The following ANO10 variants were observed in gnomAD, a reference collection of about 807,000 sequenced individuals.
The protein encoded by ANO10 is anoctamin-10.
A neutral mutation model predicts 74.7 loss-of-function variants in ANO10; 77 were observed. The ratio of observed to expected loss-of-function variants is 1.03; its 90% confidence interval spans 0.86 to 1.25. ANO10 has a LOEUF of 1.25. Among genes scored for constraint, ANO10 ranks in the 50% most tolerant of loss-of-function variants. The pLI is 0.00. For synonymous variants in ANO10, 279 were observed against 284.9 expected (o/e 0.98, Z 0.21); for missense variants, 721 against 778.1 (o/e 0.93, Z 0.87).
chr3:43,598,656 A>T lies in ANO10; in HGVS notation c.348T>A (p.Asp116Glu). The T allele has an allele frequency of 6.2e-7, 1 of 1,604,152 alleles. No individual in the cohort carries two copies. Residue 116 changes from aspartate (D) to glutamate (E), a missense_variant, in exon 4 of 13, where the codon GAT becomes GAA. Asp to Glu is a conservative substitution (Grantham distance 45). Coordinates refer to ENST00000292246, the MANE Select transcript of ANO10 (RefSeq NM_018075.5). ...QNFKGFDDNN[D>E]DFLTMAECQF... ...GACATTCTGCCATTGTCAGGAAATCATCATTGTTATCTAAAATAAAACAGA... is the reference window on the plus strand; with the variant it reads ...GACATTCTGCCATTGTCAGGAAATCTTCATTGTTATCTAAAATAAAACAGA...
At chr3:43,580,255 C>T in intron 5 of ANO10, 98 bp downstream of exon 5, 1 of 1,508,598 alleles carries the variant, frequency 6.6e-7, no homozygotes, top group South Asian at 1.1e-5. Flanking sequence ...CCCAGTAGAG[C>T]ACTAAATATC....
intron 11 of ANO10, among the ~76,000 whole-genome samples, chr3:43,517,402 C>T (rs2077754663): frequency 6.6e-6 from 1 of 152,072 alleles, no homozygotes; most frequent in East Asian, 1.9e-4. Context: ...CCCCCTTGCC[C>T]TCAACAAATT....
intron 1 of ANO10, among the ~76,000 whole-genome samples, chr3:43,611,952 C>T (rs1053975426): frequency 1.3e-5 from 2 of 151,502 alleles, no homozygotes; most frequent in African/African-American, 4.8e-5. Flanking sequence ...GCACAAAAAA[C>T]AAAACACTTC....
At chr3:43,635,240 G>A (rs1051302747) in intron 1 of ANO10, among the ~76,000 whole-genome samples, 13 of 152,258 alleles carry the variant, frequency 8.5e-5, no homozygotes, top group South Asian at 8.3e-4. Context: ...ACTCATAGCC[G>A]GAATCCATCT....
chr3:43,454,384 A>G (rs375120686), intron 11 of ANO10, among the ~76,000 whole-genome samples: 9 of 152,198 alleles, frequency 5.9e-5, no homozygotes, highest in African/African-American at 2.2e-4. Flanking sequence ...AGTGATGTGT[A>G]AGGTTATTAA....
chr3:43,536,159 T>G (rs1325577174), intron 11 of ANO10, among the ~76,000 whole-genome samples: 1 of 152,252 alleles, frequency 6.6e-6, no homozygotes, highest in East Asian at 1.9e-4. Flanking sequence ...AAAGTAAATG[T>G]AACATTCCAA....
At chr3:43,424,778 A>C (rs944565065) in intron 12 of ANO10, 6 of 152,226 alleles carry the variant, frequency 3.9e-5, no homozygotes, top group Non-Finnish European at 5.9e-5. Context: ...GCTCTGCATG[A>C]ATTAAACTAG....
intron 1 of ANO10, among the ~76,000 whole-genome samples, chr3:43,661,624 A>G (rs2083927525): frequency 6.6e-6 from 1 of 152,206 alleles, no homozygotes; most frequent in Non-Finnish European, 1.5e-5. Flanking sequence ...TTGGATAAAG[A>G]GTCAAGACCC....
chr3:43,657,320 A>G (rs1290043535), intron 1 of ANO10, among the ~76,000 whole-genome samples: 1 of 152,226 alleles, frequency 6.6e-6, no homozygotes, highest in Admixed American at 6.5e-5. Context: ...CCCAAATTCT[A>G]TGTATAAAGC....
At chr3:43,537,587 C>T (rs1331263828) in intron 11 of ANO10, among the ~76,000 whole-genome samples, 4 of 150,224 alleles carry the variant, frequency 2.7e-5, no homozygotes, top group African/African-American at 9.9e-5. Flanking sequence ...TGATCTCAGG[C>T]TCAGAGCAGG....
intron 12 of ANO10, among the ~76,000 whole-genome samples, chr3:43,400,358 C>A (rs1279585519): frequency 6.6e-6 from 1 of 151,780 alleles, no homozygotes; most frequent in Non-Finnish European, 1.5e-5. Flanking sequence ...ATCAGCAGGC[C>A]ATCCAGCAAT....
chr3:43,400,027 C>T (rs570160139), intron 12 of ANO10, among the ~76,000 whole-genome samples: 2 of 152,262 alleles, frequency 1.3e-5, no homozygotes, highest in South Asian at 2.1e-4. Flanking sequence ...CTGGCTGTAT[C>T]TAAAGAGGGT....
intron 11 of ANO10, among the ~76,000 whole-genome samples, chr3:43,514,507 C>T (rs2077632265): frequency 6.6e-6 from 1 of 152,076 alleles, no homozygotes; most frequent in Non-Finnish European, 1.5e-5. Flanking sequence ...CAGGGAGAAA[C>T]AGACAAAGCC....
At chr3:43,649,527 GGGA>G (rs2083763851) in intron 1 of ANO10, among the ~76,000 whole-genome samples, 1 of 152,126 alleles carries the variant, frequency 6.6e-6, no homozygotes, top group South Asian at 2.1e-4. Flanking sequence ...ATTTATATGG[GGGA>G]GAATTATCTA....
intron 12 of ANO10, among the ~76,000 whole-genome samples, chr3:43,432,262 T>C (rs1309124623): frequency 6.6e-6 from 1 of 152,172 alleles, no homozygotes; most frequent in African/African-American, 2.4e-5. Context: ...ATTTTATTCA[T>C]TCACTTCTCC....
At chr3:43,478,557 C>T (rs1456794750) in intron 11 of ANO10, among the ~76,000 whole-genome samples, 1 of 152,168 alleles carries the variant, frequency 6.6e-6, no homozygotes, top group Non-Finnish European at 1.5e-5. Flanking sequence ...AACATCATCA[C>T]AATCAGAAAA....
At position 43,368,158 on chromosome 3, in the gene ANO10, G is replaced by A. The variant is rs138608263; in HGVS notation, c.1915-1184C>T. Among the ~76,000 whole-genome samples, 382 of 152,334 alleles carry A rather than the reference G, an allele frequency of 2.5e-3. 2 individuals carry two copies. The highest frequency in any genetic ancestry group is 8.7e-3 in the African/African-American group (363 of 41,572). On this transcript the variant is annotated intron_variant, in intron 12 of 12. Coordinates refer to ENST00000292246, the MANE Select transcript of ANO10 (RefSeq NM_018075.5). ...CGGCTCATGATGGCTCCTGGAAGCT[G>A]AGCCCTCTGCATTTGGCTTGGGGAG...
chr3:43,392,540 G>A (rs1304620394), intron 12 of ANO10, among the ~76,000 whole-genome samples: 1 of 152,190 alleles, frequency 6.6e-6, no homozygotes, highest in African/African-American at 2.4e-5. Context: ...TTTAACCAGT[G>A]CTCTGAACCA....
At chr3:43,505,102 A>G (rs2077244488) in intron 11 of ANO10, among the ~76,000 whole-genome samples, 4 of 152,228 alleles carry the variant, frequency 2.6e-5, no homozygotes, top group Admixed American at 2.6e-4. Flanking sequence ...AGAATGCATG[A>G]AAACAAAAGC....
Sources: gnomAD v4.1 joint callset for allele counts (sites outside exome capture counted in the v4.1 genomes callset) on GRCh38, gnomAD v4.1.1 for gene constraint, MANE v1.5 for transcripts, NCBI Gene and HGNC (gene_info 2026-07-23, HGNC 2026-07-21) for gene names.